The following RELN variants were observed in gnomAD, a reference collection of about 807,000 sequenced individuals.
RELN encodes the protein reelin.
In RELN, 108 loss-of-function variants were observed where a neutral mutation model predicts 427.6. That is an observed-to-expected ratio of 0.25 (90% CI 0.22 to 0.30). The LOEUF (loss-of-function observed/expected upper bound fraction) is 0.30, where lower values mean the gene tolerates loss of function less well. Among genes scored for constraint, RELN ranks in the 10% least tolerant of loss-of-function variants. RELN has a pLI of 1.00. For synonymous variants in RELN, 1,524 were observed against 1,513.4 expected, an observed-to-expected ratio of 1.01 and a Z score of -0.16; for missense variants, 3,715 against 4,302.8, an observed-to-expected ratio of 0.86 and a Z score of 3.82.
At position 103,860,699 on chromosome 7, in the gene RELN, C is replaced by A. The variant is rs553155325; in HGVS notation, c.338-27027G>T. Reference sequence around the variant, plus strand: ...GTGCTGGGATTACAGGCATGAGCCACCGCACCCGGCCCCAATTATAATTCT... The same window carrying A: ...GTGCTGGGATTACAGGCATGAGCCAACGCACCCGGCCCCAATTATAATTCT... On this transcript the variant is annotated intron_variant, in intron 2 of 64. Coordinates refer to ENST00000428762, the MANE Select transcript of RELN (RefSeq NM_005045.4). Among the ~76,000 whole-genome samples, 7 of 152,206 alleles carry A rather than the reference C, an allele frequency of 4.6e-5. No homozygotes were observed. The East Asian group carries it at 1.2e-3, about 25-fold the overall frequency.
At chr7:103,662,447 C>G (rs1489552331) in intron 11 of RELN, among the ~76,000 whole-genome samples, 4 of 151,816 alleles carry the variant, frequency 2.6e-5, no homozygotes, top group Admixed American at 6.6e-5. Context: ...GGGTGAAACC[C>G]CATCTCTACT....
At chr7:103,898,396 AGT>A in intron 2 of RELN, among the ~76,000 whole-genome samples, 1 of 152,050 alleles carries the variant, frequency 6.6e-6, no homozygotes, top group South Asian at 2.1e-4. Context: ...TTCCTATCAT[AGT>A]GTTTTGATGA....
chr7:103,602,155 ATGAAG>A (rs1831685595), intron 24 of RELN, among the ~76,000 whole-genome samples: 1 of 152,198 alleles, frequency 6.6e-6, no homozygotes, highest in African/African-American at 2.4e-5. Flanking sequence ...CCTATATGTT[ATGAAG>A]TGTTCTACAT....
intron 24 of RELN, among the ~76,000 whole-genome samples, chr7:103,600,748 T>C (rs1831646677): frequency 6.6e-6 from 1 of 152,204 alleles, no homozygotes; most frequent in African/African-American, 2.4e-5. Context: ...GGGGGAAAGC[T>C]GAATTGGAAG....
At chr7:103,649,103 A>G (rs778989470) in intron 16 of RELN, among the ~76,000 whole-genome samples, 3 of 152,040 alleles carry the variant, frequency 2.0e-5, no homozygotes, top group African/African-American at 7.2e-5. Flanking sequence ...CCAAAGAAAA[A>G]GAAACCAGTA....
intron 63 of RELN, among the ~76,000 whole-genome samples, chr7:103,479,738 A>G (rs560515095): frequency 6.6e-6 from 1 of 152,168 alleles, no homozygotes; most frequent in Non-Finnish European, 1.5e-5. Flanking sequence ...AATCTTGTTC[A>G]TTTAGGATAC....
rs977907677 is a variant in RELN, at chr7:103,566,304, T to C, written c.4856A>G (p.Asn1619Ser). The stretch of plus-strand genomic sequence containing the variant: ...TTGACCTCCTTGGATTCGATACCAG[T>C]TGGCTTGCAAATCTATAGAGCCATC... ...KFDGSIDLQA[N>S]WYRIQGGQVD... The change falls in exon 33 of 65, where the codon AAC becomes AGC. Residue 1619 changes from asparagine (N) to serine (S), a missense_variant. Coordinates refer to ENST00000428762, the MANE Select transcript of RELN (RefSeq NM_005045.4). The C allele has an allele frequency of 2.5e-6, 4 of 1,613,972 alleles. No individual in the cohort carries two copies. In the African/African-American group the frequency reaches 5.3e-5, roughly 22 times the overall value.
chr7:103,735,015 T>C (rs1267981082), intron 6 of RELN, among the ~76,000 whole-genome samples: 6 of 152,180 alleles, frequency 3.9e-5, no homozygotes, highest in African/African-American at 1.4e-4. Context: ...TGGCTATATA[T>C]ATTCTTAGAT....
At chr7:103,527,624 T>C (rs1332985612) in intron 46 of RELN, among the ~76,000 whole-genome samples, 1 of 152,244 alleles carries the variant, frequency 6.6e-6, no homozygotes, top group Non-Finnish European at 1.5e-5. Context: ...CCCCTGGCCC[T>C]CTGTGTTTGA....
chr7:103,574,365 C>T (rs1462979947), intron 29 of RELN, 66 bp from the exon 30 acceptor site: 1 of 1,333,808 alleles, frequency 7.5e-7, no homozygotes, highest in Non-Finnish European at 1.1e-6. Context: ...GTCTATTCAA[C>T]ACATGGGCAA....
intron 3 of RELN, among the ~76,000 whole-genome samples, chr7:103,801,400 C>T (rs1792461704): frequency 6.6e-6 from 1 of 152,096 alleles, no homozygotes; most frequent in South Asian, 2.1e-4. Context: ...ACTATGCAGA[C>T]ATAAAAAGGA....
intron 53 of RELN, among the ~76,000 whole-genome samples, chr7:103,499,315 AG>A (rs1828944048): frequency 6.6e-6 from 1 of 152,222 alleles, no homozygotes; most frequent in Admixed American, 6.5e-5. Flanking sequence ...CAAAGTATAA[AG>A]GTTCTTGGCT....
At chr7:103,892,471 T>C (rs755646344) in intron 2 of RELN, among the ~76,000 whole-genome samples, 2 of 152,194 alleles carry the variant, frequency 1.3e-5, no homozygotes, top group African/African-American at 4.8e-5. Context: ...TTTTCCTCTG[T>C]GATTTCATAC....
chr7:103,729,146 C>G (rs1790288833), intron 6 of RELN, among the ~76,000 whole-genome samples: 2 of 149,262 alleles, frequency 1.3e-5, no homozygotes, highest in Non-Finnish European at 2.9e-5. Context: ...AATGTTTCCC[C>G]TGTCTGAACC....
At chr7:103,679,403 AT>A (rs1343069501) in intron 11 of RELN, among the ~76,000 whole-genome samples, 1 of 152,208 alleles carries the variant, frequency 6.6e-6, no homozygotes. Flanking sequence ...CACTTTTAGA[AT>A]TTAGATAAAT....
At chr7:103,853,059 T>C (rs1259691468) in intron 2 of RELN, among the ~76,000 whole-genome samples, 1 of 152,066 alleles carries the variant, frequency 6.6e-6, no homozygotes, top group Non-Finnish European at 1.5e-5. Flanking sequence ...AGAAAACTGA[T>C]TGTTTCATAC....
chr7:103,568,646 A>G (rs1177376772), intron 31 of RELN, among the ~76,000 whole-genome samples: 1 of 152,178 alleles, frequency 6.6e-6, no homozygotes, highest in African/African-American at 2.4e-5. Flanking sequence ...GTTGCTCAAG[A>G]TATGTCCTAT....
intron 46 of RELN, among the ~76,000 whole-genome samples, chr7:103,530,436 T>C (rs1291995965): frequency 6.6e-6 from 1 of 152,244 alleles, no homozygotes; most frequent in Non-Finnish European, 1.5e-5. Context: ...TTAGAAGTTA[T>C]TGTCACAACA....
chr7:103,898,160 T>C (rs376652681), intron 2 of RELN, among the ~76,000 whole-genome samples: 18 of 151,826 alleles, frequency 1.2e-4, no homozygotes, highest in African/African-American at 4.4e-4. Context: ...GTGTGTAGTT[T>C]TCTACAGTTT....
Sources: allele counts gnomAD v4.1 joint callset (sites outside exome capture counted in the v4.1 genomes callset), GRCh38; gene constraint gnomAD v4.1.1; transcripts MANE v1.5; gene names NCBI Gene and HGNC (gene_info 2026-07-23, HGNC 2026-07-21).